ZFHX3: variants seen among roughly 807,000 people sequenced by gnomAD.
ZFHX3 encodes the protein zinc finger homeobox 3, also known as zinc finger homeobox protein 3.
A neutral mutation model predicts 279.1 loss-of-function variants in ZFHX3; 42 were observed. That is an observed-to-expected ratio of 0.15 (90% confidence interval 0.12 to 0.19). The LOEUF (loss-of-function observed/expected upper bound fraction) is 0.19, where lower values mean the gene tolerates loss of function less well. ZFHX3 is among the 10% of genes least tolerant of loss of function. ZFHX3 has a pLI of 1.00. For missense variants in ZFHX3, 4,981 were observed against 4,754.0 expected, an observed-to-expected ratio of 1.05 and a Z score of -1.40; for synonymous variants, 2,293 against 1,957.8, an observed-to-expected ratio of 1.17 and a Z score of -4.52.
At chr16:73,662,517 G>A (rs187235746) in intron 2 of ZFHX3, among the ~76,000 whole-genome samples, 1 of 152,166 alleles carries the variant, frequency 6.6e-6, no homozygotes, top group African/African-American at 2.4e-5. Flanking sequence ...GGAACCTTAT[G>A]TCAAAAGCCC....
intron 7 of ZFHX3, among the ~76,000 whole-genome samples, chr16:73,128,177 C>CA (rs1265313788): frequency 6.6e-6 from 1 of 151,274 alleles, no homozygotes; most frequent in African/African-American, 2.5e-5. Context: ...CTGACTGATA[C>CA]AGGGGGGCTG....
At chr16:73,536,345 G>A (rs533245242) in intron 2 of ZFHX3, among the ~76,000 whole-genome samples, 3 of 152,242 alleles carry the variant, frequency 2.0e-5, no homozygotes, top group Admixed American at 6.5e-5. Context: ...TAATAAAACA[G>A]GTTCTTGGTA....
chr16:72,920,933 A>T (rs1597378770), intron 3 of ZFHX3, among the ~76,000 whole-genome samples: 2 of 152,018 alleles, frequency 1.3e-5, no homozygotes, highest in East Asian at 1.9e-4. Flanking sequence ...TTAGCCAGGC[A>T]TGGTGGTGTA....
In ZFHX3 at chr16:73,596,114, G is replaced by A. The variant is rs551965571; in HGVS notation, c.-1547+84066C>T. On this transcript the variant is annotated intron_variant, in intron 2 of 17. Transcript: ENST00000641206. ...CGGCTCACTGCAACTTCCGCCTCCC[G>A]GGTTCAAGCAATTCTCCTGCCTCGG... 7.8e-4 allele frequency among the ~76,000 whole-genome samples: 118 copies of A among 151,850 alleles called. 1 individual carries two copies. The highest frequency in any genetic ancestry group is 2.6e-3 in the African/African-American group (107 of 41,382).
intron 5 of ZFHX3, among the ~76,000 whole-genome samples, chr16:72,823,575 T>G (rs1265373437): frequency 6.6e-6 from 1 of 152,222 alleles, no homozygotes; most frequent in African/African-American, 2.4e-5. Context: ...TGGTGCTGCC[T>G]GACCTCCATT....
intron 2 of ZFHX3, among the ~76,000 whole-genome samples, chr16:73,658,358 C>G (rs111993784): frequency 0.091 from 13,893 of 152,160 alleles, 813 homozygotes; most frequent in Middle Eastern, 0.13. Context: ...CAGACTGGAG[C>G]GCAGTGGCAC....
intron 3 of ZFHX3, among the ~76,000 whole-genome samples, chr16:72,949,737 C>T (rs919587043): frequency 6.7e-6 from 1 of 149,382 alleles, no homozygotes; most frequent in African/African-American, 2.5e-5. Context: ...GACACAGAAC[C>T]CAGGAAGCAA....
chr16:72,996,292 A>AAATT (rs1299376247), intron 1 of ZFHX3, among the ~76,000 whole-genome samples: 19 of 152,286 alleles, frequency 1.2e-4, no homozygotes, highest in Non-Finnish European at 2.6e-4. Flanking sequence ...TAAAATAAAT[A>AAATT]AATTAATTAA....
intron 4 of ZFHX3, among the ~76,000 whole-genome samples, chr16:72,830,638 G>A (rs534730495): frequency 1.3e-5 from 2 of 152,256 alleles, no homozygotes; most frequent in South Asian, 4.1e-4. Context: ...GCAGAATGAC[G>A]GCTGCCAACG....
At chr16:73,143,784 A>G (rs1966853730) in exon 6 of ZFHX3, 6 of 1,305,754 alleles carry the variant, frequency 4.6e-6, no homozygotes, top group Non-Finnish European at 6.1e-6. Flanking sequence ...GACACCATCC[A>G]ATAGCGCTAG....
intron 3 of ZFHX3, among the ~76,000 whole-genome samples, chr16:73,363,385 C>T (rs907955130): frequency 9.9e-5 from 15 of 152,088 alleles, no homozygotes; most frequent in Non-Finnish European, 1.6e-4. Flanking sequence ...CTTGTTTAGC[C>T]GACATCATTT....
In ZFHX3 at chr16:72,786,362, C is replaced by CTTA. The variant is rs1555514730; in HGVS notation, c.*799_*801dup. The CTTA allele has an allele frequency of 6.7e-6, 1 of 149,054 alleles. No individual in the cohort carries two copies. The highest frequency in any genetic ancestry group is 1.5e-5 in the Non-Finnish European group (1 of 67,426). The allele number at this position is 149,054 out of a possible 1,614,324, so 9.2% of individuals were successfully genotyped here. A position where few individuals can be genotyped will look rare whatever the true frequency, so the allele number is the denominator to read the frequency against. On this transcript the variant is annotated 3_prime_UTR_variant, in exon 10 of 10. Transcript: ENST00000268489. ...AAATACAGAAAGTCAGTTTTTAAAA[C>CTTA]TTATTTTTTTTAAGCTACAAGTCCT...
intron 5 of ZFHX3, among the ~76,000 whole-genome samples, chr16:72,817,920 T>G (rs1440511898): frequency 6.6e-6 from 1 of 152,102 alleles, no homozygotes; most frequent in Admixed American, 6.5e-5. Flanking sequence ...TAAATTTCCA[T>G]CTCCCAAACC....
chr16:73,542,090 G>A (rs1001644942), intron 2 of ZFHX3, among the ~76,000 whole-genome samples: 2 of 151,924 alleles, frequency 1.3e-5, no homozygotes, highest in African/African-American at 2.4e-5. Flanking sequence ...TCGAGCAACC[G>A]CGCCCGGCCC....
At chr16:73,627,880 T>C (rs2052433357) in intron 2 of ZFHX3, among the ~76,000 whole-genome samples, 1 of 152,160 alleles carries the variant, frequency 6.6e-6, no homozygotes, top group African/African-American at 2.4e-5. Context: ...ACTGTGCCAC[T>C]GCACTCCAGC....
rs182337966 is a variant in ZFHX3, at chr16:73,375,001, C to T, written c.-1290-56665G>A. 3.2e-4 allele frequency among the ~76,000 whole-genome samples: 49 copies of T among 152,288 alleles called. 1 individual carries two copies. In the East Asian group the frequency reaches 5.4e-3, roughly 17 times the overall value. ...TGTGAATAGTTATTTATAATAATTG[C>T]TTACATCCGTTAATTCTTTAAGGTT... On this transcript the variant is annotated intron_variant, in intron 3 of 17. Coordinates refer to the ZFHX3 transcript ENST00000641206.
chr16:73,649,050 A>G (rs2052646658), intron 2 of ZFHX3, among the ~76,000 whole-genome samples: 1 of 152,226 alleles, frequency 6.6e-6, no homozygotes, highest in South Asian at 2.1e-4. Flanking sequence ...ACTACTCAGA[A>G]GAAAGAGATC....
At chr16:73,239,052 G>C (rs2013039861) in intron 5 of ZFHX3, among the ~76,000 whole-genome samples, 1 of 152,196 alleles carries the variant, frequency 6.6e-6, no homozygotes, top group Non-Finnish European at 1.5e-5. Context: ...CATGGAGGCA[G>C]AGACCGTGCC....
intron 1 of ZFHX3, among the ~76,000 whole-genome samples, chr16:73,821,846 A>G (rs935406684): frequency 2.6e-5 from 4 of 152,196 alleles, no homozygotes; most frequent in African/African-American, 9.6e-5. Flanking sequence ...ATGCACTTAC[A>G]TGGGCTGACC....
Sources: allele counts gnomAD v4.1 joint callset (sites outside exome capture counted in the v4.1 genomes callset), GRCh38; gene constraint gnomAD v4.1.1; transcripts MANE v1.5; gene names NCBI Gene and HGNC (gene_info 2026-07-23, HGNC 2026-07-21).